CTNNA3: variants seen among roughly 807,000 people sequenced by gnomAD.
CTNNA3 encodes catenin alpha 3, also known as catenin alpha-3.
In CTNNA3, 76 loss-of-function variants were observed where a neutral mutation model predicts 95.7. The ratio of observed to expected loss-of-function variants is 0.79; its 90% CI spans 0.66 to 0.96. CTNNA3 has a LOEUF of 0.96. Ranked by LOEUF, CTNNA3 falls within the 40% of genes least tolerant of loss-of-function variation. The pLI is 0.00. For missense variants in CTNNA3, 1,191 were observed against 1,089.8 expected (o/e 1.09, Z -1.31); for synonymous variants, 431 against 374.4 (o/e 1.15, Z -1.74).
At chr10:66,687,227 T>G (rs945268026) in intron 9 of CTNNA3, among the ~76,000 whole-genome samples, 20 of 152,020 alleles carry the variant, frequency 1.3e-4, no homozygotes, top group African/African-American at 4.3e-4. Context: ...ACATAAATGA[T>G]GCAAGAAGGA....
At chr10:65,992,167 T>C (rs925415201) in intron 15 of CTNNA3, among the ~76,000 whole-genome samples, 1 of 152,012 alleles carries the variant, frequency 6.6e-6, no homozygotes, top group Non-Finnish European at 1.5e-5. Flanking sequence ...TTGTTGAGGG[T>C]TTTTGTGTCT....
intron 11 of CTNNA3, among the ~76,000 whole-genome samples, chr10:66,412,457 T>C (rs1414821090): frequency 1.3e-4 from 3 of 22,406 alleles, no homozygotes; most frequent in Non-Finnish European, 2.0e-4. Flanking sequence ...CCAAATACTA[T>C]TTTTTTTTTT....
rs906621634 is a variant in CTNNA3, at chr10:66,161,797, C to T, written c.1885-58548G>A. Among the ~76,000 whole-genome samples, 6 of 152,120 alleles carry T rather than the reference C, an allele frequency of 3.9e-5. No homozygotes were observed. In the East Asian group the frequency reaches 5.8e-4, roughly 15 times the overall value. The stretch of plus-strand genomic sequence containing the variant: ...CAATTATTCCCCCAAATATGTTTTC[C>T]GAATTTTTGGAATTCTCTTCTTCCT... On this transcript the variant is annotated intron_variant, in intron 13 of 17. Coordinates refer to ENST00000433211, the MANE Select transcript of CTNNA3 (RefSeq NM_013266.4).
At chr10:66,247,966 T>A (rs2090405471) in intron 13 of CTNNA3, among the ~76,000 whole-genome samples, 2 of 152,246 alleles carry the variant, frequency 1.3e-5, no homozygotes, top group South Asian at 4.1e-4. Context: ...ACACTGTAAT[T>A]TGAGGGTATA....
At chr10:67,017,903 G>A (rs4746653) in intron 7 of CTNNA3, among the ~76,000 whole-genome samples, 47,633 of 151,738 alleles carry the variant, frequency 0.31, 7,789 homozygotes, top group Middle Eastern at 0.5. Flanking sequence ...CCAAGTAGCC[G>A]GGACTACAGG....
At chr10:66,136,970 T>C (rs1253884723) in intron 13 of CTNNA3, among the ~76,000 whole-genome samples, 4 of 152,098 alleles carry the variant, frequency 2.6e-5, no homozygotes, top group African/African-American at 9.7e-5. Context: ...TACAGGTGCG[T>C]GCCACCATGC....
intron 7 of CTNNA3, among the ~76,000 whole-genome samples, chr10:67,042,325 C>A (rs1204933572): frequency 1.3e-5 from 2 of 152,038 alleles, no homozygotes; most frequent in African/African-American, 4.8e-5. Flanking sequence ...AGCTGACTAT[C>A]AGTTGGATGT....
Position 66,915,547 on chromosome 10 carries a change from T to G in CTNNA3, c.1048-140023A>C, listed in dbSNP as rs568247839. On this transcript the variant is annotated intron_variant, in intron 7 of 17. Coordinates refer to ENST00000433211, the MANE Select transcript of CTNNA3 (RefSeq NM_013266.4). ...GTGGTAAACTAAGAAAATAAATACATGGAATCCAGGAAATAGGGATCCTGT... is the reference window on the plus strand; with the variant it reads ...GTGGTAAACTAAGAAAATAAATACAGGGAATCCAGGAAATAGGGATCCTGT... 1.9e-3 allele frequency among the ~76,000 whole-genome samples: 294 copies of G among 151,788 alleles called. 1 individual carries two copies. Among genetic ancestry groups the G allele is most frequent in the African/African-American group, 6.7e-3 (277 of 41,412 alleles).
intron 5 of CTNNA3, among the ~76,000 whole-genome samples, chr10:67,309,062 A>G (rs1201932124): frequency 4.6e-5 from 7 of 152,180 alleles, no homozygotes; most frequent in Admixed American, 4.6e-4. Flanking sequence ...TTTGAAGATA[A>G]ATAGCACCAT....
At chr10:66,321,884 A>G (rs2092192199) in intron 12 of CTNNA3, among the ~76,000 whole-genome samples, 1 of 152,114 alleles carries the variant, frequency 6.6e-6, no homozygotes, top group African/African-American at 2.4e-5. Flanking sequence ...GTGGCCTTGC[A>G]CTCTCATCTA....
intron 16 of CTNNA3, among the ~76,000 whole-genome samples, chr10:65,978,795 T>A (rs2078260611): frequency 1.3e-5 from 2 of 152,206 alleles, no homozygotes; most frequent in South Asian, 4.1e-4. Flanking sequence ...CAGCCATTAG[T>A]TTGTGCTTAT....
At chr10:67,161,835 G>A (rs1259839856) in intron 7 of CTNNA3, among the ~76,000 whole-genome samples, 1 of 151,848 alleles carries the variant, frequency 6.6e-6, no homozygotes, top group African/African-American at 2.4e-5. Context: ...GTAAAAGGGT[G>A]GAAAAAGATA....
chr10:66,889,720 G>C (rs1845189207), intron 7 of CTNNA3, among the ~76,000 whole-genome samples: 2 of 151,992 alleles, frequency 1.3e-5, no homozygotes, highest in South Asian at 4.1e-4. Flanking sequence ...AATCAAAAAG[G>C]GCTTTTGTGT....
intron 14 of CTNNA3, 149 bp downstream of exon 14, chr10:66,103,008 C>T: frequency 1.1e-5 from 7 of 651,162 alleles, no homozygotes; most frequent in South Asian, 7.5e-5. Flanking sequence ...TGTGGTTTCC[C>T]TTAATGCTAA....
At chr10:66,402,613 A>G (rs1454717635) in intron 11 of CTNNA3, among the ~76,000 whole-genome samples, 1 of 152,138 alleles carries the variant, frequency 6.6e-6, no homozygotes, top group East Asian at 1.9e-4. Flanking sequence ...TCAATCATGG[A>G]CATAAAGACA....
intron 7 of CTNNA3, among the ~76,000 whole-genome samples, chr10:66,849,813 C>A (rs1053262825): frequency 6.6e-6 from 1 of 152,138 alleles, no homozygotes; most frequent in African/African-American, 2.4e-5. Flanking sequence ...TCTTAAGCCA[C>A]CAAGCTTGTA....
At chr10:66,361,868 C>T (rs2394204) in intron 12 of CTNNA3, among the ~76,000 whole-genome samples, 143,327 of 152,052 alleles carry the variant, frequency 0.94, 68,099 homozygotes, top group East Asian at 1. Context: ...AGGGTAGTCG[C>T]TTCCATCATT....
chr10:66,420,105 G>C (rs1164716888), intron 11 of CTNNA3, among the ~76,000 whole-genome samples: 1 of 152,106 alleles, frequency 6.6e-6, no homozygotes, highest in Non-Finnish European at 1.5e-5. Context: ...GAAACCACCT[G>C]TATGGGAGAA....
intron 13 of CTNNA3, among the ~76,000 whole-genome samples, chr10:66,198,393 G>A (rs1217300247): frequency 6.6e-6 from 1 of 152,050 alleles, no homozygotes; most frequent in African/African-American, 2.4e-5. Context: ...ATTATAAGAG[G>A]AATCTACCTG....
Sources: allele counts gnomAD v4.1 joint callset (sites outside exome capture counted in the v4.1 genomes callset), GRCh38; gene constraint gnomAD v4.1.1; transcripts MANE v1.5; gene names NCBI Gene and HGNC (gene_info 2026-07-23, HGNC 2026-07-21).